The following PARD3B variants were observed in gnomAD, a reference collection of about 807,000 sequenced individuals.
The protein encoded by PARD3B is partitioning defective 3 homolog B.
Under a neutral mutation model 130.2 loss-of-function variants are expected in PARD3B, and 103 were observed. That is an observed-to-expected ratio of 0.79 (90% confidence interval 0.67 to 0.93). The LOEUF (loss-of-function observed/expected upper bound fraction) is 0.93. Among genes scored for constraint, PARD3B ranks in the 40% least tolerant of loss-of-function variants. PARD3B has a pLI of 0.00. For missense variants in PARD3B, 1,609 were observed against 1,499.2 expected (o/e 1.07, Z -1.21); for synonymous variants, 583 against 553.2 (o/e 1.05, Z -0.76).
intron 18 of PARD3B, among the ~76,000 whole-genome samples, chr2:205,375,935 C>T (rs2045029522): frequency 2.0e-5 from 3 of 152,164 alleles, no homozygotes; most frequent in Middle Eastern, 3.4e-3. Context: ...GTATAGAATG[C>T]TAGACAGTGC....
intron 2 of PARD3B, among the ~76,000 whole-genome samples, chr2:204,957,641 T>C (rs774627461): frequency 6.6e-6 from 1 of 152,164 alleles, no homozygotes; most frequent in Non-Finnish European, 1.5e-5. Flanking sequence ...TAGCTAGCTG[T>C]CAAAATCCTG....
Position 205,564,748 on chromosome 2 carries a change from A to T in PARD3B, c.3260+11345A>T, listed in dbSNP as rs1297867940. ...ATGTGACACAGGCCCCACGACCTCG[A>T]TCATTCTGCCAAGAAACACCTTGGT... On this transcript the variant is annotated intron_variant, in intron 22 of 22. Coordinates refer to ENST00000406610, the MANE Select transcript of PARD3B (RefSeq NM_001302769.2). The surrounding 1 kb of genome is among the most constrained non-coding windows in gnomAD (Gnocchi z 4.6). Among the ~76,000 whole-genome samples, 2 of 152,200 alleles carry T rather than the reference A, an allele frequency of 1.3e-5. No homozygotes were observed. The highest frequency in any genetic ancestry group is 4.8e-5 in the African/African-American group (2 of 41,460).
intron 18 of PARD3B, among the ~76,000 whole-genome samples, chr2:205,381,089 GA>G (rs1432472806): frequency 1.1e-5 from 1 of 88,254 alleles, no homozygotes; most frequent in Non-Finnish European, 2.0e-5. Flanking sequence ...TATATATAAA[GA>G]ATATATAATA....
At chr2:205,524,473 C>T (rs1257354654) in intron 21 of PARD3B, among the ~76,000 whole-genome samples, 2 of 152,152 alleles carry the variant, frequency 1.3e-5, no homozygotes, top group East Asian at 3.9e-4. Flanking sequence ...TTTGCAGGTG[C>T]TTTTGCTGAA....
At chr2:205,189,089 G>A (rs778858153) in intron 14 of PARD3B, among the ~76,000 whole-genome samples, 4 of 152,048 alleles carry the variant, frequency 2.6e-5, no homozygotes, top group African/African-American at 9.7e-5. Context: ...AGAATATATC[G>A]AATATTATTA....
At chr2:205,308,465 T>TGG (rs1156465277) in intron 18 of PARD3B, among the ~76,000 whole-genome samples, 3 of 151,670 alleles carry the variant, frequency 2.0e-5, no homozygotes, top group Non-Finnish European at 4.4e-5. Context: ...AAATTAGCCA[T>TGG]GCGTGGTGGC....
chr2:204,776,086 A>ATG (rs533025027), intron 2 of PARD3B, among the ~76,000 whole-genome samples: 48 of 152,182 alleles, frequency 3.2e-4, no homozygotes, highest in Non-Finnish European at 5.7e-4. Context: ...GTAACTAAAT[A>ATG]TGTGGTCTGA....
chr2:204,886,231 G>A (rs2046267436), intron 2 of PARD3B, among the ~76,000 whole-genome samples: 1 of 152,134 alleles, frequency 6.6e-6, no homozygotes, highest in Admixed American at 6.6e-5. Flanking sequence ...ATATGAGGAG[G>A]CAAACCTTAC....
chr2:204,864,903 C>G (rs1439189827), intron 2 of PARD3B, among the ~76,000 whole-genome samples: 1 of 152,096 alleles, frequency 6.6e-6, no homozygotes. Context: ...GACATCATCC[C>G]TGGTTGAGAA....
At chr2:205,029,245 G>A (rs1697257974) in intron 3 of PARD3B, among the ~76,000 whole-genome samples, 1 of 152,022 alleles carries the variant, frequency 6.6e-6, no homozygotes, top group Non-Finnish European at 1.5e-5. Context: ...GGGTATTAGA[G>A]CCTTTCTCCA....
At chr2:204,775,085 G>T (rs1463284301) in intron 2 of PARD3B, among the ~76,000 whole-genome samples, 1 of 152,088 alleles carries the variant, frequency 6.6e-6, no homozygotes, top group Non-Finnish European at 1.5e-5. Flanking sequence ...ATTTCCACAA[G>T]CCTGAGGTTC....
intron 18 of PARD3B, among the ~76,000 whole-genome samples, chr2:205,399,448 G>A (rs1035459376): frequency 6.6e-6 from 1 of 151,666 alleles, no homozygotes; most frequent in South Asian, 2.1e-4. Flanking sequence ...TCTGCCTCCT[G>A]TGTTCAAGTG....
chr2:205,425,836 A>G (rs1187666277), intron 19 of PARD3B, among the ~76,000 whole-genome samples: 1 of 152,182 alleles, frequency 6.6e-6, no homozygotes, highest in African/African-American at 2.4e-5. Context: ...CTGTATAAGC[A>G]CAATATCCAC....
At chr2:204,712,987 T>G (rs1054097639) in intron 2 of PARD3B, among the ~76,000 whole-genome samples, 2 of 152,178 alleles carry the variant, frequency 1.3e-5, no homozygotes, top group African/African-American at 4.8e-5. Flanking sequence ...TCAATTTATT[T>G]TTGGATTCAT....
chr2:205,108,124 C>G (rs1703356758), intron 5 of PARD3B, among the ~76,000 whole-genome samples: 1 of 152,152 alleles, frequency 6.6e-6, no homozygotes, highest in Admixed American at 6.5e-5. Flanking sequence ...GGACATTTCC[C>G]CATGTTTTGA....
intron 2 of PARD3B, among the ~76,000 whole-genome samples, chr2:204,755,714 T>G (rs1450838490): frequency 6.6e-6 from 1 of 152,150 alleles, no homozygotes; most frequent in African/African-American, 2.4e-5. Context: ...CATACATTTT[T>G]TCAGGGCCAA....
At chr2:204,747,931 A>G (rs1286250646) in intron 2 of PARD3B, among the ~76,000 whole-genome samples, 4 of 152,194 alleles carry the variant, frequency 2.6e-5, no homozygotes, top group Admixed American at 2.6e-4. Context: ...TTTAAGAGCA[A>G]GCATGAAGAA....
chr2:204,907,763 G>A lies in PARD3B; in HGVS notation c.223-57389G>A, dbSNP rs904657993. Reference sequence around the variant, plus strand: ...GTCACCCAGGCTAGAGTACAGTGTTGCAATCTTGGCTCACTGCAACCTCCG... The same window carrying A: ...GTCACCCAGGCTAGAGTACAGTGTTACAATCTTGGCTCACTGCAACCTCCG... On this transcript the variant is annotated intron_variant, in intron 2 of 22. Coordinates refer to ENST00000406610, the MANE Select transcript of PARD3B (RefSeq NM_001302769.2). The surrounding 1 kb of genome is among the most constrained non-coding windows in gnomAD (Gnocchi z 5.7). Among the ~76,000 whole-genome samples, 3 of 151,946 alleles carry A rather than the reference G, an allele frequency of 2.0e-5. No individual in the cohort carries two copies. The highest frequency in any genetic ancestry group is 2.0e-4 in the Admixed American group (3 of 15,252).
chr2:205,171,830 T>A (rs2125748305), intron 11 of PARD3B, among the ~76,000 whole-genome samples: 1 of 152,356 alleles, frequency 6.6e-6, no homozygotes, highest in Non-Finnish European at 1.5e-5. Context: ...TTTCAAGAGT[T>A]GTGACTACCT....
Sources: gnomAD v4.1 joint callset for allele counts (sites outside exome capture counted in the v4.1 genomes callset) on GRCh38, gnomAD v4.1.1 for gene constraint, Gnocchi (gnomAD v3.1) non-coding constraint, MANE v1.5 for transcripts, NCBI Gene and HGNC (gene_info 2026-07-23, HGNC 2026-07-21) for gene names.